PRPSAP1: variants seen among roughly 807,000 people sequenced by gnomAD.
PRPSAP1 encodes the protein phosphoribosyl pyrophosphate synthetase associated protein 1.
In PRPSAP1, 31 loss-of-function variants were observed where a neutral mutation model predicts 39.4. The ratio of observed to expected loss-of-function variants is 0.79; its 90% CI spans 0.59 to 1.06. The LOEUF (loss-of-function observed/expected upper bound fraction) is 1.06. Ranked by LOEUF, PRPSAP1 falls within the 50% of genes least tolerant of loss-of-function variation. PRPSAP1 has a pLI of 0.00. For synonymous variants in PRPSAP1, 212 were observed against 192.6 expected, an observed-to-expected ratio of 1.10 and a Z score of -0.83; for missense variants, 430 against 511.6, an observed-to-expected ratio of 0.84 and a Z score of 1.54.
chr17:76,343,741 A>G (rs1054110142), intron 3 of PRPSAP1, among the ~76,000 whole-genome samples: 37 of 152,010 alleles, frequency 2.4e-4, no homozygotes, highest in African/African-American at 8.7e-4. Flanking sequence ...AGGCTGAGGC[A>G]GGAGAATCAC....
At chr17:76,331,380 G>A (rs1050286526) in intron 4 of PRPSAP1, among the ~76,000 whole-genome samples, 7 of 152,164 alleles carry the variant, frequency 4.6e-5, no homozygotes, top group East Asian at 1.9e-4. Context: ...TGGGTTCCAC[G>A]TGTGGATTCA....
At chr17:76,341,140 C>T (rs1490336337) in intron 3 of PRPSAP1, among the ~76,000 whole-genome samples, 11 of 151,886 alleles carry the variant, frequency 7.2e-5, no homozygotes, top group African/African-American at 2.7e-4. Flanking sequence ...GATCATGCAC[C>T]AACTCAGTTC....
chr17:76,330,974 G>A (rs190669738), intron 4 of PRPSAP1, among the ~76,000 whole-genome samples: 9 of 152,254 alleles, frequency 5.9e-5, no homozygotes, highest in Admixed American at 4.6e-4. Flanking sequence ...AATTAATACC[G>A]AAGAGATGGA....
chr17:76,324,493 A>T (rs961857745), intron 7 of PRPSAP1, among the ~76,000 whole-genome samples: 1 of 151,344 alleles, frequency 6.6e-6, no homozygotes, highest in Non-Finnish European at 1.5e-5. Context: ...CCAGCTACTT[A>T]GGGAGGCCGA....
chr17:76,333,329 C>T (rs1279489405), intron 3 of PRPSAP1, among the ~76,000 whole-genome samples: 2 of 152,120 alleles, frequency 1.3e-5, no homozygotes, highest in East Asian at 1.9e-4. Context: ...AGGCTGGTCT[C>T]GAACTCCCGA....
chr17:76,329,199 T>C (rs1465451069), intron 6 of PRPSAP1, among the ~76,000 whole-genome samples: 1 of 151,650 alleles, frequency 6.6e-6, no homozygotes, highest in African/African-American at 2.4e-5. Context: ...ACCTCCCGAG[T>C]AGCGGGGACC....
At chr17:76,330,773 CG>C (rs2071313094) in intron 4 of PRPSAP1, 107 bp from the exon 5 acceptor site, 2 of 643,582 alleles carry the variant, frequency 3.1e-6, no homozygotes, top group South Asian at 4.1e-5. Flanking sequence ...AGACTGAAGA[CG>C]GGGTACTGTG....
intron 7 of PRPSAP1, among the ~76,000 whole-genome samples, chr17:76,326,975 C>T (rs983224384): frequency 2.0e-5 from 3 of 151,820 alleles, no homozygotes; most frequent in East Asian, 1.9e-4. Flanking sequence ...TTGGGGACTC[C>T]GAGTGAAGAG....
Position 76,313,126 on chromosome 17 carries a change from T to A in PRPSAP1, c.853-110A>T, listed in dbSNP as rs1016137699. ...GCACTCAGTTTCAGAGGATTTCTGA[T>A]GGAAAATCAGAGCTGTGTGCCTGGG... On this transcript the variant is annotated intron_variant, in intron 8 of 9. Transcript: ENST00000446526. The A allele has an allele frequency of 4.4e-6, 6 of 1,362,086 alleles. No homozygotes were observed. In the East Asian group the frequency reaches 1.5e-4, roughly 33 times the overall value. 84.4% of individuals were successfully genotyped at this position (1,362,086 alleles called of 1,614,324 possible).
At chr17:76,332,081 G>A (rs1229201493) in intron 4 of PRPSAP1, among the ~76,000 whole-genome samples, 182 bp downstream of exon 4, 7 of 152,028 alleles carry the variant, frequency 4.6e-5, no homozygotes, top group African/African-American at 1.7e-4. Context: ...TCTAAAGTAG[G>A]ACAAAGCGAA....
At position 76,344,704 on chromosome 17, in the gene PRPSAP1, C is replaced by A. The variant is rs757700415; in HGVS notation, c.257G>T (p.Gly86Val). 1 of 1,582,766 alleles carries A rather than the reference C, an allele frequency of 6.3e-7. No individual in the cohort carries two copies. Among genetic ancestry groups the A allele is most frequent in the South Asian group, 1.1e-5 (1 of 88,046 alleles). Residue 86 changes from glycine to valine, a missense_variant, in exon 3 of 10, where the codon GGC (glycine) becomes GTC (valine). By Grantham distance (109) the Gly-to-Val change is moderately radical (BLOSUM62 -3). This residue lies in a region of PRPSAP1 where 152 missense variants were observed against 135.2 expected (regional missense o/e 1.12). Coordinates refer to ENST00000446526, the MANE Select transcript of PRPSAP1 (RefSeq NM_002766.3). The stretch of plus-strand genomic sequence containing the variant: ...TGTCTGTATAATGAAAATATCTTGG[C>A]CACGAACAGATTCTTTTATTTCAAC... ...TRVEIKESVR[G>V]QDIFIIQTIP...
chr17:76,353,997 C>A, upstream of PRPSAP1: 1 of 1,240,672 alleles, frequency 8.1e-7, no homozygotes, highest in South Asian at 2.5e-5. Context: ...GGGCAGGGAG[C>A]CTGGCGACTC....
At chr17:76,346,968 C>T (rs1213038938) in intron 2 of PRPSAP1, among the ~76,000 whole-genome samples, 3 of 152,032 alleles carry the variant, frequency 2.0e-5, no homozygotes, top group Non-Finnish European at 4.4e-5. Context: ...GAAGAAGGGA[C>T]AAAGACTGAC....
At chr17:76,340,800 G>A (rs2071428075) in intron 3 of PRPSAP1, among the ~76,000 whole-genome samples, 2 of 151,498 alleles carry the variant, frequency 1.3e-5, no homozygotes, top group African/African-American at 4.8e-5. Flanking sequence ...TGAGGCAGGA[G>A]AATTGCTTGA....
intron 4 of PRPSAP1, 135 bp downstream of exon 4, chr17:76,332,128 A>T (rs1262218930): frequency 9.1e-7 from 1 of 1,093,930 alleles, no homozygotes. Flanking sequence ...GAGCTCACAT[A>T]TCCTTAGCCA....
rs149646607 is a variant in PRPSAP1, at chr17:76,332,271, G to A, written c.455C>T (p.Ala152Val). The A allele has an allele frequency of 3.2e-5, 51 of 1,613,816 alleles. No individual in the cohort carries two copies. Among genetic ancestry groups the A allele is most frequent in the East Asian group, 8.9e-5 (4 of 44,884 alleles). ...CCCCCGCGCACACTCACCTGCTTTCGCCAGCATGGATGCTAGCAGCTTGCA... is the reference window on the plus strand; with the variant it reads ...CCCCCGCGCACACTCACCTGCTTTCACCAGCATGGATGCTAGCAGCTTGCA... ...IVCKLLASMLAKAGLTHIITM... is the reference protein window; with the variant it reads ...IVCKLLASMLVKAGLTHIITM... The change falls in exon 4 of 10, where the codon GCG (alanine) becomes GTG (valine). Residue 152 changes from alanine to valine, a missense_variant. Around this residue, in one of 2 missense-constraint regions of PRPSAP1, gnomAD observed 278 missense variants for 376.3 expected, o/e 0.74. Coordinates refer to ENST00000446526, the MANE Select transcript of PRPSAP1 (RefSeq NM_002766.3).
intron 8 of PRPSAP1, 103 bp from the exon 9 acceptor site, chr17:76,313,119 T>C (rs2143446251): frequency 1.4e-6 from 2 of 1,380,906 alleles, no homozygotes; most frequent in East Asian, 2.4e-5. Flanking sequence ...TTTCAGAGGA[T>C]TTCTGATGGA....
chr17:76,342,067 A>G (rs1567808176), intron 3 of PRPSAP1, among the ~76,000 whole-genome samples: 2 of 152,192 alleles, frequency 1.3e-5, no homozygotes, highest in Non-Finnish European at 2.9e-5. Flanking sequence ...AGGGCAACGC[A>G]GCCCCTTCCC....
intron 7 of PRPSAP1, among the ~76,000 whole-genome samples, chr17:76,317,166 AT>A (rs11348211): frequency 0.12 from 18,420 of 152,204 alleles, 2,565 homozygotes; most frequent in African/African-American, 0.34. Flanking sequence ...CCTGGCCAAC[AT>A]GGCAAAACCC....
Sources: allele counts gnomAD v4.1 joint callset (sites outside exome capture counted in the v4.1 genomes callset), GRCh38; gene constraint gnomAD v4.1.1; regional missense constraint gnomAD v4.1.1; transcripts MANE v1.5; gene names NCBI Gene and HGNC (gene_info 2026-07-23, HGNC 2026-07-21).